CDH1: variants seen among roughly 807,000 people sequenced by gnomAD.
CDH1 encodes the protein cadherin 1.
CDH1 carries 35 observed loss-of-function variants against 84.5 expected under a neutral mutation model. The ratio of observed to expected loss-of-function variants is 0.41; its 90% CI spans 0.32 to 0.55. The LOEUF (loss-of-function observed/expected upper bound fraction) is 0.55. CDH1 is among the 20% of genes least tolerant of loss of function. The pLI, the probability that CDH1 is intolerant of heterozygous loss-of-function variation, is 0.19. For synonymous variants in CDH1, 417 were observed against 439.0 expected, an observed-to-expected ratio of 0.95 and a Z score of 0.63; for missense variants, 994 against 1,126.6, an observed-to-expected ratio of 0.88 and a Z score of 1.68.
At chr16:68,785,106 A>G (rs1186240327) in intron 2 of CDH1, among the ~76,000 whole-genome samples, 1 of 152,196 alleles carries the variant, frequency 6.6e-6, no homozygotes, top group Non-Finnish European at 1.5e-5. Flanking sequence ...TGCCTCCCCC[A>G]TACCTAAAAT....
Position 68,808,781 on chromosome 16 carries a change from T to C in CDH1, c.620T>C (p.Ile207Thr), listed in dbSNP as rs778570149. ...ADTPPVGVFIIERETGWLKVT... is the reference protein window; with the variant it reads ...ADTPPVGVFITERETGWLKVT... ...ACACCCCCTGTTGGTGTCTTTATTATTGAAAGAGAAACAGGATGGCTGAAG... is the reference window on the plus strand; with the variant it reads ...ACACCCCCTGTTGGTGTCTTTATTACTGAAAGAGAAACAGGATGGCTGAAG... Residue 207 changes from isoleucine to threonine, a missense_variant, in exon 5 of 16, where the codon ATT becomes ACT. Ile to Thr is a moderately conservative substitution (Grantham distance 89). This residue lies in a region of CDH1 where 769 missense variants were observed against 881.8 expected (regional missense o/e 0.87). Coordinates refer to ENST00000261769, the MANE Select transcript of CDH1 (RefSeq NM_004360.5). 2 of 1,614,018 alleles carry C rather than the reference T, an allele frequency of 1.2e-6. No individual in the cohort carries two copies. Among genetic ancestry groups the C allele is most frequent in the African/African-American group, 1.3e-5 (1 of 74,914 alleles).
intron 2 of CDH1, among the ~76,000 whole-genome samples, chr16:68,782,794 C>T (rs1247374123): frequency 6.6e-6 from 1 of 152,176 alleles, no homozygotes; most frequent in Non-Finnish European, 1.5e-5. Context: ...CCTCACCCCA[C>T]ACAGGGTTCC....
chr16:68,803,555 GC>G (rs1375423621), intron 3 of CDH1, among the ~76,000 whole-genome samples: 1 of 152,102 alleles, frequency 6.6e-6, no homozygotes, highest in African/African-American at 2.4e-5. Context: ...CCATCACCAT[GC>G]CTGGCTGATT....
chr16:68,822,890 C>T (rs927569493), intron 12 of CDH1: 1 of 220,404 alleles, frequency 4.5e-6, no homozygotes, highest in African/African-American at 2.4e-5. Flanking sequence ...CACTCTGGCC[C>T]TGGAGAAGAA....
In CDH1 at chr16:68,833,708, C is replaced by CTT. The variant is rs145920869; in HGVS notation, c.*220_*221dup. 407 of 509,442 alleles carry CTT rather than the reference C, an allele frequency of 8.0e-4. No individual in the cohort carries two copies. The highest frequency in any genetic ancestry group is 1.4e-3 in the African/African-American group (69 of 50,602). 31.6% of individuals were successfully genotyped at this position (509,442 alleles called of 1,614,324 possible). On this transcript the variant is annotated 3_prime_UTR_variant, in exon 16 of 16. Transcript: ENST00000261769. Reference sequence around the variant, plus strand: ...AAAAGTTTCGACTTATTTCTTAAAGCTTTTTTTTTTTTCCCATCACTCTTT... The same window carrying CTT: ...AAAAGTTTCGACTTATTTCTTAAAGCTTTTTTTTTTTTTTCCCATCACTCTTT...
chr16:68,746,420 A>G (rs1367150992), intron 2 of CDH1, among the ~76,000 whole-genome samples: 1 of 152,086 alleles, frequency 6.6e-6, no homozygotes, highest in East Asian at 1.9e-4. Context: ...GCGAGACTCC[A>G]TCTCTAAATA....
intron 6 of CDH1, 89 bp from the exon 7 acceptor site, chr16:68,811,595 T>C: frequency 2.6e-6 from 3 of 1,176,250 alleles, no homozygotes; most frequent in Non-Finnish European, 2.5e-6. Context: ...TCCCCTCCTT[T>C]ATCCCTCAGG....
rs2152141597 is a variant in CDH1 at position 68,828,303 on chromosome 16, A to T, written c.2294A>T (p.Gln765Leu). ...GAAGAAGGAGGCGGAGAAGAGGACC[A>T]GGTGGGTTTTGAAAACCTTGGTAGC... ...YDEEGGGEED[Q>L]DFDLSQLHRG... is the part of the protein sequence containing the mutation. Residue 765 changes from glutamine to leucine, a missense_variant and splice_region_variant, in exon 14 of 16, where the codon CAG becomes CTG. Physicochemically the swap from Gln to Leu is moderately radical, Grantham distance 113 (BLOSUM62 -2). This residue lies in a region of CDH1 where 769 missense variants were observed against 881.8 expected (regional missense o/e 0.87). Coordinates refer to ENST00000261769, the MANE Select transcript of CDH1 (RefSeq NM_004360.5). 1 of 1,614,054 alleles carries T rather than the reference A, an allele frequency of 6.2e-7. No individual in the cohort carries two copies. The highest frequency in any genetic ancestry group is 8.5e-7 in the Non-Finnish European group (1 of 1,179,928).
intron 2 of CDH1, chr16:68,763,158 C>T (rs1446404202): frequency 6.6e-6 from 1 of 152,258 alleles, no homozygotes; most frequent in South Asian, 2.1e-4. Flanking sequence ...GTTTTGCGTG[C>T]TTAGTACCAG....
rs1369257168 is a variant in CDH1 at position 68,828,160 on chromosome 16, C to T, written c.2165-14C>T. ...TGGCTCTCAACACTTGCTCTGTCTC[C>T]CCCACCATCCCAGTTCTGATTCTGC... On this transcript the variant is annotated splice_polypyrimidine_tract_variant and intron_variant, in intron 13 of 15. Coordinates refer to ENST00000261769, the MANE Select transcript of CDH1 (RefSeq NM_004360.5). The T allele has an allele frequency of 1.2e-6, 2 of 1,613,570 alleles. No individual in the cohort carries two copies. Among genetic ancestry groups the T allele is most frequent in the South Asian group, 1.1e-5 (1 of 91,064 alleles).
intron 15 of CDH1, among the ~76,000 whole-genome samples, chr16:68,830,527 A>G (rs11863122): frequency 0.025 from 3,740 of 152,256 alleles, 175 homozygotes; most frequent in African/African-American, 0.086. Flanking sequence ...TCAGAAATGC[A>G]TTCAGCTCTA....
rs767045364 is a variant in CDH1, at chr16:68,833,331, T to C, written c.2481T>C (p.Tyr827=). 3.7e-6 allele frequency: 6 copies of C among 1,614,238 alleles called. No individual in the cohort carries two copies. Among genetic ancestry groups the C allele is most frequent in the South Asian group, 3.3e-5 (3 of 91,088 alleles). Residue 827 remains tyrosine (Y), a synonymous_variant, in exon 16 of 16, where the codon TAT becomes TAC. Coordinates refer to ENST00000261769, the MANE Select transcript of CDH1 (RefSeq NM_004360.5). The part of the protein sequence containing the change: ...AADTDPTAPP[Y]DSLLVFDYEG... ...ATACTGACCCCACAGCCCCGCCTTATGATTCTCTGCTCGTGTTTGACTATG... is the reference window on the plus strand; with the variant it reads ...ATACTGACCCCACAGCCCCGCCTTACGATTCTCTGCTCGTGTTTGACTATG...
intron 2 of CDH1, among the ~76,000 whole-genome samples, chr16:68,762,356 C>T (rs550968421): frequency 6.6e-6 from 1 of 152,190 alleles, no homozygotes; most frequent in Admixed American, 6.5e-5. Flanking sequence ...CCCCACCAGG[C>T]TGGGTACTTG....
intron 2 of CDH1, among the ~76,000 whole-genome samples, chr16:68,785,214 T>C (rs529366123): frequency 1.3e-3 from 193 of 152,208 alleles, no homozygotes; most frequent in African/African-American, 4.4e-3. Flanking sequence ...TTCTTTGAGA[T>C]GGAGTCTTGC....
intron 2 of CDH1, among the ~76,000 whole-genome samples, chr16:68,794,781 G>A (rs2152124303): frequency 6.7e-6 from 1 of 149,954 alleles, no homozygotes; most frequent in African/African-American, 2.5e-5. Context: ...CCGACTCCCA[G>A]GTTCACACCA....
At chr16:68,756,074 T>C (rs1963010420) in intron 2 of CDH1, among the ~76,000 whole-genome samples, 1 of 152,112 alleles carries the variant, frequency 6.6e-6, no homozygotes, top group African/African-American at 2.4e-5. Flanking sequence ...AGCCGAGTTT[T>C]CTAAAGATTC....
chr16:68,746,425 T>C (rs1047091328), intron 2 of CDH1, among the ~76,000 whole-genome samples: 2 of 150,660 alleles, frequency 1.3e-5, no homozygotes. Context: ...ACTCCATCTC[T>C]AAATAAATAA....
intron 2 of CDH1, among the ~76,000 whole-genome samples, chr16:68,744,223 G>A (rs1226180783): frequency 6.6e-6 from 1 of 152,182 alleles, no homozygotes; most frequent in Non-Finnish European, 1.5e-5. Context: ...AATTTGGTGG[G>A]TTAGAACCTT....
rs1296001722 is a variant in CDH1, at chr16:68,820,823, T to C, written c.1712-1178T>C. Among the ~76,000 whole-genome samples the C allele has an allele frequency of 2.6e-5, 4 of 151,996 alleles. No individual in the cohort carries two copies. The South Asian group carries it at 6.2e-4, about 24-fold the overall frequency. ...GGGTCACACCTGTAATCCCAACACT[T>C]TGGGGGTCTGAGGTGGGAGATGGCT... On this transcript the variant is annotated intron_variant, in intron 11 of 15. Transcript: ENST00000261769.
Sources: allele counts gnomAD v4.1 joint callset (sites outside exome capture counted in the v4.1 genomes callset), GRCh38; gene constraint gnomAD v4.1.1; regional missense constraint gnomAD v4.1.1; transcripts MANE v1.5; gene names NCBI Gene and HGNC (gene_info 2026-07-23, HGNC 2026-07-21).